FRK: variants seen among roughly 807,000 people sequenced by gnomAD.
FRK encodes tyrosine-protein kinase FRK.
A neutral mutation model predicts 56.4 loss-of-function variants in FRK; 51 were observed. The ratio of observed to expected loss-of-function variants is 0.90; its 90% CI spans 0.72 to 1.14. The LOEUF (loss-of-function observed/expected upper bound fraction) is 1.14. FRK is among the 50% of genes most tolerant of loss of function. The probability of loss-of-function intolerance (pLI) is 0.00; values close to 1 mark genes in which losing one functional copy is unlikely to be tolerated. For missense variants in FRK, 570 were observed against 601.4 expected (o/e 0.95, Z 0.55); for synonymous variants, 245 against 217.9 (o/e 1.12, Z -1.10).
chr6:116,060,906 A>G (rs1168634801), upstream of FRK: 1 of 152,418 alleles, frequency 6.6e-6, no homozygotes. Context: ...ATTTCCCCTT[A>G]CTTCCTGGTT....
intron 1 of FRK, among the ~76,000 whole-genome samples, chr6:116,055,501 C>T (rs975370866): frequency 2.0e-5 from 3 of 152,196 alleles, no homozygotes; most frequent in African/African-American, 4.8e-5. Flanking sequence ...TGCTAAAGTG[C>T]TAACAAGAGA....
In FRK at chr6:115,994,321, A is replaced by ACCCCCCCCC. The variant is rs1422664378; in HGVS notation, c.466+9555_466+9556insGGGGGGGGG. Among the ~76,000 whole-genome samples, 2 of 47,774 alleles carry ACCCCCCCCC rather than the reference A, an allele frequency of 4.2e-5. 1 individual carries two copies. The highest frequency in any genetic ancestry group is 9.9e-5 in the Non-Finnish European group (2 of 20,256). 31.3% of individuals were successfully genotyped at this position (47,774 alleles called of 152,430 possible). ...GTTATTGGGTATCCAGAATCTCACA[A>ACCCCCCCCC]CCTCCCCCCCCCCCGCCTTTTTTTT... On this transcript the variant is annotated intron_variant, in intron 2 of 7. Transcript: ENST00000606080.
rs1015162060 is a variant in FRK at position 116,010,697 on chromosome 6, TGTAA to T, written c.345-6703_345-6700del. 3.9e-5 allele frequency among the ~76,000 whole-genome samples: 6 copies of T among 152,334 alleles called. No individual in the cohort carries two copies. The East Asian group carries it at 7.7e-4, about 20-fold the overall frequency. On this transcript the variant is annotated intron_variant, in intron 1 of 7. Transcript: ENST00000606080. ...CTCTCTATGCCTCAATCTCCTCATT[TGTAA>T]GTGAGAATAATAATAATTTCCTTAT...
chr6:116,061,878 T>C (rs9387382), upstream of FRK, among the ~76,000 whole-genome samples: 31 of 152,066 alleles, frequency 2.0e-4, no homozygotes, highest in East Asian at 5.8e-3. Flanking sequence ...TCATAACTTC[T>C]GTTCTTTTTC....
At chr6:116,050,490 CAA>C (rs1777142677) in intron 1 of FRK, among the ~76,000 whole-genome samples, 1 of 152,134 alleles carries the variant, frequency 6.6e-6, no homozygotes, top group African/African-American at 2.4e-5. Context: ...AAAATCTCCC[CAA>C]AGTCACATCC....
At chr6:115,966,049 AT>A (rs1773556833) in intron 4 of FRK, among the ~76,000 whole-genome samples, 1 of 4,260 alleles carries the variant, frequency 2.3e-4, no homozygotes, top group African/African-American at 5.2e-4. Context: ...TTAAAGTATA[AT>A]AAAAAAAAAA....
At chr6:116,041,412 C>T (rs983727603) in intron 1 of FRK, among the ~76,000 whole-genome samples, 4 of 152,112 alleles carry the variant, frequency 2.6e-5, no homozygotes, top group African/African-American at 7.2e-5. Flanking sequence ...ATGTGTTGTT[C>T]TTGTGTATAA....
intron 5 of FRK, among the ~76,000 whole-genome samples, chr6:115,955,687 C>T (rs763835188): frequency 6.6e-6 from 1 of 152,110 alleles, no homozygotes; most frequent in African/African-American, 2.4e-5. Flanking sequence ...TTTCATCATT[C>T]TCACCTCCCT....
At chr6:116,055,741 A>AT (rs1350421471) in intron 1 of FRK, among the ~76,000 whole-genome samples, 61 of 152,358 alleles carry the variant, frequency 4.0e-4, no homozygotes, top group Non-Finnish European at 2.9e-5. Flanking sequence ...TACCAGGCCT[A>AT]TAGAATGGAC....
At chr6:116,004,373 T>G (rs1441650368) in intron 1 of FRK, among the ~76,000 whole-genome samples, 1 of 152,044 alleles carries the variant, frequency 6.6e-6, no homozygotes, top group African/African-American at 2.4e-5. Flanking sequence ...CATCCAACCA[T>G]CCACTGCTTC....
intron 1 of FRK, chr6:116,039,569 C>A: frequency 1.2e-6 from 1 of 848,344 alleles, no homozygotes; most frequent in Non-Finnish European, 2.1e-6. Flanking sequence ...ACTGCCCCTC[C>A]CCTGCACATG....
intron 4 of FRK, among the ~76,000 whole-genome samples, chr6:115,958,634 G>GGAAA (rs1379880268): frequency 3.6e-5 from 2 of 55,716 alleles, no homozygotes; most frequent in African/African-American, 6.5e-5. Context: ...TCTCAAAAAA[G>GGAAA]GAAAGAAAGA....
chr6:115,975,949 C>T (rs1332266782), intron 2 of FRK, among the ~76,000 whole-genome samples: 1 of 152,044 alleles, frequency 6.6e-6, no homozygotes, highest in Admixed American at 6.6e-5. Flanking sequence ...CTCAGTTATT[C>T]TGCACGTTAA....
intron 1 of FRK, among the ~76,000 whole-genome samples, chr6:116,031,587 C>T (rs6909746): frequency 0.37 from 55,584 of 151,832 alleles, 10,647 homozygotes; most frequent in Middle Eastern, 0.49. Flanking sequence ...CTCCACATCA[C>T]CCCAATTTGG....
chr6:116,080,518 G>T, the FRK span, among the ~76,000 whole-genome samples: 1 of 152,126 alleles, frequency 6.6e-6, no homozygotes, highest in Admixed American at 6.5e-5. Flanking sequence ...ATTTGCCTAC[G>T]CAAAAATGTT....
chr6:115,973,349 G>T (rs927681424), intron 2 of FRK, among the ~76,000 whole-genome samples: 3 of 152,154 alleles, frequency 2.0e-5, no homozygotes, highest in Non-Finnish European at 4.4e-5. Flanking sequence ...ATAAATGGGA[G>T]TTGAACAATG....
At chr6:116,031,359 A>C (rs1435773544) in intron 1 of FRK, among the ~76,000 whole-genome samples, 1 of 152,158 alleles carries the variant, frequency 6.6e-6, no homozygotes, top group Non-Finnish European at 1.5e-5. Context: ...CCTGAAAAAT[A>C]TATTTTAGTA....
At chr6:115,942,699 T>C in intron 7 of FRK, 74 bp from the exon 8 acceptor site, 2 of 1,257,536 alleles carry the variant, frequency 1.6e-6, no homozygotes, top group South Asian at 2.5e-5. Flanking sequence ...CTTATAGCCA[T>C]TTATACTCTA....
At chr6:116,005,665 T>C (rs541269667) in intron 1 of FRK, among the ~76,000 whole-genome samples, 4 of 152,296 alleles carry the variant, frequency 2.6e-5, no homozygotes, top group Admixed American at 2.6e-4. Context: ...ATGGAAGTCA[T>C]GGAAACCTTC....
Sources: gnomAD v4.1 joint callset for allele counts (sites outside exome capture counted in the v4.1 genomes callset) on GRCh38, gnomAD v4.1.1 for gene constraint, MANE v1.5 for transcripts, NCBI Gene and HGNC (gene_info 2026-07-23, HGNC 2026-07-21) for gene names.